RTRAF: variants seen among roughly 807,000 people sequenced by gnomAD.
The protein encoded by RTRAF is RNA transcription, translation and transport factor.
Under a neutral mutation model 34.4 loss-of-function variants are expected in RTRAF, and 14 were observed. The ratio of observed to expected loss-of-function variants is 0.41; its 90% CI spans 0.27 to 0.64. The LOEUF is 0.64. Among genes scored for constraint, RTRAF ranks in the 30% least tolerant of loss-of-function variants. The pLI is 0.34. For missense variants in RTRAF, 291 were observed against 288.4 expected, an observed-to-expected ratio of 1.01 and a Z score of -0.06; for synonymous variants, 96 against 95.3, an observed-to-expected ratio of 1.01 and a Z score of -0.04.
chr14:52,004,722 A>G lies in RTRAF; in HGVS notation c.*206A>G, dbSNP rs1302792761. The G allele has an allele frequency of 2.2e-6, 1 of 465,056 alleles. No homozygotes were observed. Among genetic ancestry groups the G allele is most frequent in the Non-Finnish European group, 3.7e-6 (1 of 269,754 alleles). 28.8% of individuals were successfully genotyped at this position (465,056 alleles called of 1,614,324 possible). ...TTTTTATTATGTACTGTATGTTTGC[A>G]TAAATCACCTTTCTCCTTTGTGGTT... On this transcript the variant is annotated 3_prime_UTR_variant, in exon 8 of 8. Coordinates refer to ENST00000261700, the MANE Select transcript of RTRAF (RefSeq NM_016039.3).
chr14:51,991,571 G>T, intron 2 of RTRAF, 130 bp downstream of exon 2: 1 of 1,145,784 alleles, frequency 8.7e-7, no homozygotes, highest in South Asian at 1.6e-5. Flanking sequence ...TGGATTTCAG[G>T]GATTTTGCTT....
intron 1 of RTRAF, among the ~76,000 whole-genome samples, chr14:51,990,386 A>G (rs965302605): frequency 6.6e-6 from 1 of 152,228 alleles, no homozygotes; most frequent in African/African-American, 2.4e-5. Context: ...GCTACCCACC[A>G]CTACTCGTTT....
rs1160664295 is a variant in RTRAF, at chr14:52,006,364, T to C, written c.*1848T>C. 3 of 664,500 alleles carry C rather than the reference T, an allele frequency of 4.5e-6. No individual in the cohort carries two copies. Among genetic ancestry groups the C allele is most frequent in the African/African-American group, 3.6e-5 (2 of 55,442 alleles). 41.2% of individuals were successfully genotyped at this position (664,500 alleles called of 1,614,324 possible). On this transcript the variant is annotated 3_prime_UTR_variant, in exon 8 of 8. Coordinates refer to ENST00000261700, the MANE Select transcript of RTRAF (RefSeq NM_016039.3). ...AAGTAAAAGGATGATTTCAAAAACATGAAAGGATGAAAAACATCCTTGAAG... is the reference window on the plus strand; with the variant it reads ...AAGTAAAAGGATGATTTCAAAAACACGAAAGGATGAAAAACATCCTTGAAG...
Position 51,989,609 on chromosome 14 carries a change from G to A in RTRAF, c.-31G>A. The A allele has an allele frequency of 1.3e-6, 2 of 1,584,428 alleles. No homozygotes were observed. The highest frequency in any genetic ancestry group is 1.4e-5 in the African/African-American group (1 of 73,866). On this transcript the variant is annotated 5_prime_UTR_variant, in exon 1 of 8. Transcript: ENST00000261700. ...CCTCGCTTCTTCTCTCCCGGCCGAG[G>A]CCCGGGGGACCAGAGCGAGAAGCGG... is the stretch of plus-strand genomic sequence containing the variant.
At position 52,005,202 on chromosome 14, in the gene RTRAF, T is replaced by G. The variant is rs1890714501; in HGVS notation, c.*686T>G. On this transcript the variant is annotated 3_prime_UTR_variant, in exon 8 of 8. Transcript: ENST00000261700. ...AGTTGAATGAATTTGATCTTTTAAA[T>G]ATTAATGATAAATGTTTACAAGAAG... 2 of 305,478 alleles carry G rather than the reference T, an allele frequency of 6.5e-6. No individual in the cohort carries two copies. Among genetic ancestry groups the G allele is most frequent in the Non-Finnish European group, 1.2e-5 (2 of 167,028 alleles). 18.9% of individuals were successfully genotyped at this position (305,478 alleles called of 1,614,324 possible).
Position 52,004,608 on chromosome 14 carries a change from G to T in RTRAF, c.*92G>T. 1 of 1,296,106 alleles carries T rather than the reference G, an allele frequency of 7.7e-7. No individual in the cohort carries two copies. The highest frequency in any genetic ancestry group is 1.0e-6 in the Non-Finnish European group (1 of 955,266). The allele number at this position is 1,296,106 out of a possible 1,614,324, so 80.3% of individuals were successfully genotyped here. ...GGAAATCAAAATGTCACATTCTCGG[G>T]GGAGGAAGCCCAGAAAATTGGGTAT... On this transcript the variant is annotated 3_prime_UTR_variant, in exon 8 of 8. Coordinates refer to ENST00000261700, the MANE Select transcript of RTRAF (RefSeq NM_016039.3).
At chr14:51,997,417 G>A (rs1272325100) in intron 3 of RTRAF, among the ~76,000 whole-genome samples, 1 of 151,698 alleles carries the variant, frequency 6.6e-6, no homozygotes, top group African/African-American at 2.4e-5. Flanking sequence ...AATCCTTTCT[G>A]TCATCACGTA....
rs1175666245 is a variant in RTRAF at position 52,004,740 on chromosome 14, TTGTGGTTAAGGCA to T, written c.*226_*238del. 8 of 423,926 alleles carry T rather than the reference TTGTGGTTAAGGCA, an allele frequency of 1.9e-5. No individual in the cohort carries two copies. Among genetic ancestry groups the T allele is most frequent in the African/African-American group, 8.2e-5 (4 of 48,850 alleles). The allele number at this position is 423,926 out of a possible 1,614,324, so 26.3% of individuals were successfully genotyped here. A position where few individuals can be genotyped will look rare whatever the true frequency, so the allele number is the denominator to read the frequency against. ...TGTTTGCATAAATCACCTTTCTCCT[TTGTGGTTAAGGCA>T]TATATGCCAACCCCCAGCTTTGTCC... On this transcript the variant is annotated 3_prime_UTR_variant, in exon 8 of 8. Transcript: ENST00000261700.
Position 52,006,759 on chromosome 14 carries a change from A to G in RTRAF, c.*2243A>G. ...CACAGTGATAGAATGGGGAAATAGG[A>G]TATTTTACTTCCATTACAGTCATAG... is the stretch of plus-strand genomic sequence containing the variant. On this transcript the variant is annotated 3_prime_UTR_variant, in exon 8 of 8. Coordinates refer to ENST00000261700, the MANE Select transcript of RTRAF (RefSeq NM_016039.3). The G allele has an allele frequency of 1.5e-6, 2 of 1,306,544 alleles. No individual in the cohort carries two copies. Among genetic ancestry groups the G allele is most frequent in the South Asian group, 2.7e-5 (2 of 75,136 alleles). The allele number at this position is 1,306,544 out of a possible 1,614,324, so 80.9% of individuals were successfully genotyped here. A position where few individuals can be genotyped will look rare whatever the true frequency, so the allele number is the denominator to read the frequency against.
intron 5 of RTRAF, among the ~76,000 whole-genome samples, chr14:52,001,246 G>T (rs1423710925): frequency 6.6e-6 from 1 of 151,204 alleles, no homozygotes; most frequent in African/African-American, 2.4e-5. Flanking sequence ...TTTTAAGTGT[G>T]TATGGATACT....
Position 52,003,541 on chromosome 14 carries a change from TCAG to T in RTRAF, c.532-649_532-647del, listed in dbSNP as rs748065950. Among the ~76,000 whole-genome samples, 14 of 152,184 alleles carry T rather than the reference TCAG, an allele frequency of 9.2e-5. 1 individual carries two copies. The highest frequency in any genetic ancestry group is 1.3e-4 in the Admixed American group (2 of 15,276). On this transcript the variant is annotated intron_variant, in intron 6 of 7. Coordinates refer to ENST00000261700, the MANE Select transcript of RTRAF (RefSeq NM_016039.3). ...TTTTCTTGGCAGTGATTTTATATAA[TCAG>T]CAGGAAGTACAGACTGTCCTCATTT...
Position 51,999,748 on chromosome 14 carries a change from T to A in RTRAF, c.414T>A (p.Ala138=). The A allele has an allele frequency of 6.2e-7, 1 of 1,610,896 alleles. No individual in the cohort carries two copies. ...PDFKAGVMAL[A]NLLQIQRHDD... ...TTAAGGCTGGTGTGATGGCTTTGGC[T>A]AACCTGCTTCAGATTCAGCGTCATG... The change falls in exon 5 of 8, where the codon GCT becomes GCA. Residue 138 remains alanine (A), a synonymous_variant. Transcript: ENST00000261700.
rs755601652 is a variant in RTRAF at position 52,005,526 on chromosome 14, G to A, written c.*1010G>A. 2 of 1,592,890 alleles carry A rather than the reference G, an allele frequency of 1.3e-6. No homozygotes were observed. Among genetic ancestry groups the A allele is most frequent in the Non-Finnish European group, 1.7e-6 (2 of 1,171,992 alleles). On this transcript the variant is annotated 3_prime_UTR_variant, in exon 8 of 8. Coordinates refer to ENST00000261700, the MANE Select transcript of RTRAF (RefSeq NM_016039.3). ...GAGAGAAGAGCAGGGGTGGGACAGG[G>A]TGGTGGGTGAGTATATTGTAACCAA...
At position 52,007,710 on chromosome 14, in the gene RTRAF, G is replaced by C; in HGVS notation, c.*3194G>C. ...TTAAAAGTTTACAGACCAAAGAAAG[G>C]AGATCTAAGTGATGGGATTTCATTT... On this transcript the variant is annotated 3_prime_UTR_variant, in exon 8 of 8. Transcript: ENST00000261700. 5.7e-6 allele frequency: 6 copies of C among 1,052,108 alleles called. No homozygotes were observed. Among genetic ancestry groups the C allele is most frequent in the Non-Finnish European group, 8.6e-6 (6 of 699,596 alleles). 65.2% of individuals were successfully genotyped at this position (1,052,108 alleles called of 1,614,324 possible).
chr14:52,008,990 G>T lies in RTRAF; in HGVS notation c.*4474G>T, dbSNP rs1044704435. On this transcript the variant is annotated 3_prime_UTR_variant, in exon 8 of 8. Coordinates refer to ENST00000261700, the MANE Select transcript of RTRAF (RefSeq NM_016039.3). ...AAATAGGTTATAAGGAAACAAACAG[G>T]TTTATCGTTAGAGCAGAAATAATGT... 2.0e-5 allele frequency: 3 copies of T among 152,124 alleles called. No individual in the cohort carries two copies. The highest frequency in any genetic ancestry group is 2.0e-4 in the Admixed American group (3 of 15,274). 9.4% of individuals were successfully genotyped at this position (152,124 alleles called of 1,614,324 possible). A position where few individuals can be genotyped will look rare whatever the true frequency, so the allele number is the denominator to read the frequency against.
chr14:52,005,963 C>T lies in RTRAF; in HGVS notation c.*1447C>T, dbSNP rs998652268. 8.3e-6 allele frequency: 6 copies of T among 726,898 alleles called. No homozygotes were observed. The highest frequency in any genetic ancestry group is 6.1e-5 in the Admixed American group (3 of 48,988). The allele number at this position is 726,898 out of a possible 1,614,324, so 45.0% of individuals were successfully genotyped here. ...GAAAATTTCTGGCAGCCTTCTCTGT[C>T]CCAGGGCTGGTGCTAAAGCCATACT... On this transcript the variant is annotated 3_prime_UTR_variant, in exon 8 of 8. Transcript: ENST00000261700.
chr14:51,999,858 C>T, intron 5 of RTRAF, 62 bp downstream of exon 5: 1 of 1,169,584 alleles, frequency 8.6e-7, no homozygotes, highest in South Asian at 1.4e-5. Context: ...TCTTTATTTT[C>T]TAAATATTAA....
chr14:52,010,660 T>C lies in RTRAF; in HGVS notation c.*6144T>C, dbSNP rs1890978049. On this transcript the variant is annotated 3_prime_UTR_variant, in exon 8 of 8. Transcript: ENST00000261700. The stretch of plus-strand genomic sequence containing the variant: ...ACTAATATTGTTTATACCAGTCTTG[T>C]TTCCTCCTAATAAAATATAAGTGCC... 2 of 513,338 alleles carry C rather than the reference T, an allele frequency of 3.9e-6. No homozygotes were observed. The highest frequency in any genetic ancestry group is 3.8e-5 in the African/African-American group (2 of 52,732). The allele number at this position is 513,338 out of a possible 1,614,324, so 31.8% of individuals were successfully genotyped here. A position where few individuals can be genotyped will look rare whatever the true frequency, so the allele number is the denominator to read the frequency against.
intron 2 of RTRAF, 92 bp downstream of exon 2, chr14:51,991,533 A>G: frequency 7.1e-7 from 1 of 1,410,336 alleles, no homozygotes; most frequent in South Asian, 1.3e-5. Flanking sequence ...TTTAAGAAAA[A>G]AATGATAATG....
Sources: allele counts gnomAD v4.1 joint callset (sites outside exome capture counted in the v4.1 genomes callset), GRCh38; gene constraint gnomAD v4.1.1; transcripts MANE v1.5; gene names NCBI Gene and HGNC (gene_info 2026-07-23, HGNC 2026-07-21).